Variants in TAX1BP1 observed in about 807,000 individuals in gnomAD.
TAX1BP1 encodes the protein tax1-binding protein 1.
Under a neutral mutation model 97.7 loss-of-function variants are expected in TAX1BP1, and 62 were observed. The observed-to-expected ratio is 0.63, with a 90% CI of 0.52 to 0.78. The LOEUF (loss-of-function observed/expected upper bound fraction) is 0.78, where lower values mean the gene tolerates loss of function less well. Ranked by LOEUF, TAX1BP1 falls within the 30% of genes least tolerant of loss-of-function variation. The pLI is 0.00. For synonymous variants in TAX1BP1, 340 were observed against 304.2 expected (o/e 1.12, Z -1.23); for missense variants, 867 against 916.1 (o/e 0.95, Z 0.69).
intron 2 of TAX1BP1, among the ~76,000 whole-genome samples, chr7:27,751,828 A>T (rs777440665): frequency 1.3e-5 from 2 of 151,788 alleles, no homozygotes; most frequent in African/African-American, 4.8e-5. Flanking sequence ...TATTATTATT[A>T]TTTTTTTAGA....
intron 2 of TAX1BP1, among the ~76,000 whole-genome samples, chr7:27,748,978 C>A (rs959953480): frequency 6.6e-6 from 1 of 152,046 alleles, no homozygotes; most frequent in Non-Finnish European, 1.5e-5. Context: ...AAAAAAAGAT[C>A]TTTTTCTTTG....
intron 13 of TAX1BP1, among the ~76,000 whole-genome samples, chr7:27,803,532 T>C (rs1790219596): frequency 6.6e-6 from 1 of 152,216 alleles, no homozygotes; most frequent in African/African-American, 2.4e-5. Flanking sequence ...ATAATAATAC[T>C]ACAACATTAT....
At chr7:27,765,274 C>T (rs1788590824) in intron 3 of TAX1BP1, among the ~76,000 whole-genome samples, 1 of 151,798 alleles carries the variant, frequency 6.6e-6, no homozygotes, top group Non-Finnish European at 1.5e-5. Flanking sequence ...CCCACCTTGG[C>T]CTTCCAAAGT....
chr7:27,793,323 T>C (rs1457897506), intron 10 of TAX1BP1, 111 bp downstream of exon 10: 7 of 1,037,286 alleles, frequency 6.7e-6, no homozygotes, highest in Non-Finnish European at 9.2e-6. Flanking sequence ...TTATCTCTGC[T>C]TGATTTCAAG....
chr7:27,796,242 G>A, intron 12 of TAX1BP1, 23 bp downstream of exon 12: 1 of 1,487,352 alleles, frequency 6.7e-7, no homozygotes, highest in South Asian at 1.3e-5. Flanking sequence ...CCTTGTAAGT[G>A]AAAGAGATTT....
rs1313713042 is a variant in TAX1BP1 at position 27,792,147 on chromosome 7, G to A, written c.1180G>A (p.Ala394Thr). ...CAGAACGATGGCAGACCTGCATACT[G>A]CACGCTTGGAAAACGAGAAAGTGAA... Reference protein sequence around the residue: ...RDRTMADLHTARLENEKVKKQ... With the variant: ...RDRTMADLHTTRLENEKVKKQ... Residue 394 changes from alanine to threonine, a missense_variant, in exon 9 of 17, where the codon GCA becomes ACA. By Grantham distance (58) the Ala-to-Thr change is moderately conservative. This residue lies in a region of TAX1BP1 where 822 missense variants were observed against 851.4 expected (regional missense o/e 0.97). Transcript: ENST00000396319. 1.2e-6 allele frequency: 2 copies of A among 1,613,864 alleles called. No homozygotes were observed. Among genetic ancestry groups the A allele is most frequent in the Admixed American group, 1.7e-5 (1 of 60,010 alleles).
intron 8 of TAX1BP1, among the ~76,000 whole-genome samples, chr7:27,790,067 TA>T (rs1190564530): frequency 6.6e-6 from 1 of 151,996 alleles, no homozygotes; most frequent in Non-Finnish European, 1.5e-5. Flanking sequence ...GGATACAAAG[TA>T]AAATGTAATC....
chr7:27,770,062 T>C (rs971057112), intron 5 of TAX1BP1, among the ~76,000 whole-genome samples: 3 of 152,116 alleles, frequency 2.0e-5, no homozygotes, highest in Non-Finnish European at 4.4e-5. Context: ...ACCAGGCTTG[T>C]TGAGGTAGTC....
At chr7:27,812,197 G>A (rs1375250550) in intron 13 of TAX1BP1, among the ~76,000 whole-genome samples, 1 of 152,146 alleles carries the variant, frequency 6.6e-6, no homozygotes, top group Non-Finnish European at 1.5e-5. Context: ...ATCCTAGTGG[G>A]TGTATTAGTG....
At chr7:27,751,764 T>A (rs2128307961) in intron 2 of TAX1BP1, among the ~76,000 whole-genome samples, 1 of 152,200 alleles carries the variant, frequency 6.6e-6, no homozygotes, top group Admixed American at 6.5e-5. Context: ...AGTAGTATGC[T>A]TGAGAAAGTG....
At chr7:27,775,201 A>G (rs1182070304) in intron 5 of TAX1BP1, among the ~76,000 whole-genome samples, 2 of 152,190 alleles carry the variant, frequency 1.3e-5, no homozygotes, top group Non-Finnish European at 2.9e-5. Context: ...TGATTGTAAG[A>G]TGCATCTCCA....
chr7:27,816,022 T>C (rs1043088368), intron 13 of TAX1BP1, among the ~76,000 whole-genome samples: 14 of 151,894 alleles, frequency 9.2e-5, no homozygotes, highest in Non-Finnish European at 2.1e-4. Flanking sequence ...TGAAGCTCTG[T>C]CTCAAAAAAA....
At chr7:27,770,426 C>T (rs892830469) in intron 5 of TAX1BP1, among the ~76,000 whole-genome samples, 4 of 152,042 alleles carry the variant, frequency 2.6e-5, no homozygotes, top group Non-Finnish European at 5.9e-5. Context: ...AAACAGTTAT[C>T]TAGTCATTGA....
chr7:27,823,202 A>G (rs1791044107), intron 15 of TAX1BP1, among the ~76,000 whole-genome samples: 1 of 152,192 alleles, frequency 6.6e-6, no homozygotes, highest in Admixed American at 6.5e-5. Flanking sequence ...AAGAGGAGGA[A>G]TACTGACTAA....
intron 15 of TAX1BP1, among the ~76,000 whole-genome samples, chr7:27,821,428 C>G (rs1048752461): frequency 6.6e-6 from 1 of 151,736 alleles, no homozygotes; most frequent in Non-Finnish European, 1.5e-5. Context: ...GTCAGGAGTT[C>G]GAGACCAGCC....
chr7:27,805,760 C>T lies in TAX1BP1; in HGVS notation c.1764+5670C>T, dbSNP rs182108640. 1.3e-3 allele frequency among the ~76,000 whole-genome samples: 191 copies of T among 152,140 alleles called. 2 individuals carry two copies. The highest frequency in any genetic ancestry group is 4.3e-3 in the African/African-American group (178 of 41,478). On this transcript the variant is annotated intron_variant, in intron 13 of 16. Coordinates refer to ENST00000396319, the MANE Select transcript of TAX1BP1 (RefSeq NM_006024.7). ...CTGAGGTGAGAGAATTGCTTGAACC[C>T]GGGAGGCAGAGGCTGCAGTGAGCCG...
chr7:27,810,207 CT>C (rs61226834), intron 13 of TAX1BP1, among the ~76,000 whole-genome samples: 283 of 143,028 alleles, frequency 2.0e-3, no homozygotes, highest in Non-Finnish European at 2.2e-3. Flanking sequence ...ACGCACAGCC[CT>C]TTTTTTTTTT....
intron 12 of TAX1BP1, among the ~76,000 whole-genome samples, chr7:27,798,818 T>C (rs1480473161): frequency 9.9e-5 from 15 of 152,048 alleles, no homozygotes; most frequent in Non-Finnish European, 1.9e-4. Flanking sequence ...CTTATGCTTA[T>C]TTGCTCTTTA....
At chr7:27,763,211 TCTAACAATAC>T (rs1252257890) in intron 3 of TAX1BP1, among the ~76,000 whole-genome samples, 2 of 152,178 alleles carry the variant, frequency 1.3e-5, no homozygotes, top group Admixed American at 1.3e-4. Flanking sequence ...ACCCAAAACA[TCTAACAATAC>T]CTAAACGTGA....
Sources: allele counts gnomAD v4.1 joint callset (sites outside exome capture counted in the v4.1 genomes callset), GRCh38; gene constraint gnomAD v4.1.1; regional missense constraint gnomAD v4.1.1; transcripts MANE v1.5; gene names NCBI Gene and HGNC (gene_info 2026-07-23, HGNC 2026-07-21).